C13orf46: variants seen among roughly 807,000 people sequenced by gnomAD.
C13orf46 encodes the protein chromosome 13 open reading frame 46.
chr13:113,968,305 G>A (rs2052669707), intron 4 of C13orf46, among the ~76,000 whole-genome samples, 162 bp downstream of exon 4: 1 of 152,224 alleles, frequency 6.6e-6, no homozygotes, highest in South Asian at 2.1e-4. Context: ...TTGGCCCCAA[G>A]CCTCTCTAGG....
At chr13:113,964,124 C>T (rs1160467234) in intron 6 of C13orf46, among the ~76,000 whole-genome samples, 2 of 152,262 alleles carry the variant, frequency 1.3e-5, no homozygotes, top group East Asian at 3.9e-4. Context: ...GCTGGGATTA[C>T]AGGCTGAAAG....
chr13:113,938,152 T>C, the C13orf46 span, among the ~76,000 whole-genome samples: 3 of 152,192 alleles, frequency 2.0e-5, no homozygotes, highest in African/African-American at 7.2e-5. Flanking sequence ...TGGGATGTGG[T>C]TGCGGCCTCA....
chr13:113,952,770 G>T (rs2052494346), downstream of C13orf46, among the ~76,000 whole-genome samples: 1 of 152,206 alleles, frequency 6.6e-6, no homozygotes, highest in Non-Finnish European at 1.5e-5. Flanking sequence ...GCATCTACAG[G>T]GGGTTCCTGC....
At chr13:113,963,554 C>T (rs1276096655) in intron 6 of C13orf46, among the ~76,000 whole-genome samples, 1 of 146,132 alleles carries the variant, frequency 6.8e-6, no homozygotes, top group Non-Finnish European at 1.5e-5. Flanking sequence ...TCAGCCCTCG[C>T]TCCAGTCCTC....
intron 6 of C13orf46, among the ~76,000 whole-genome samples, chr13:113,960,966 G>A (rs2052581919): frequency 6.6e-6 from 1 of 152,142 alleles, no homozygotes; most frequent in South Asian, 2.1e-4. Context: ...GATTACTTAA[G>A]ACAACTGAGC....
At chr13:113,948,958 C>A (rs1209775001), downstream of C13orf46, among the ~76,000 whole-genome samples, 3 of 152,168 alleles carry the variant, frequency 2.0e-5, no homozygotes, top group Non-Finnish European at 4.4e-5. Flanking sequence ...TCTTGGGGGA[C>A]CCCAAGGTAG....
At chr13:113,950,650 A>T (rs2138962876), downstream of C13orf46, among the ~76,000 whole-genome samples, 1 of 152,318 alleles carries the variant, frequency 6.6e-6, no homozygotes, top group South Asian at 2.1e-4. Flanking sequence ...TTGACCTCCC[A>T]GCCCAGACCA....
At chr13:113,945,657 A>G in the C13orf46 span, among the ~76,000 whole-genome samples, 1 of 137,740 alleles carries the variant, frequency 7.3e-6, no homozygotes, top group Non-Finnish European at 1.6e-5. Context: ...AGAAAGAAAG[A>G]AAGAAAGAAA....
At chr13:113,942,800 C>T in the C13orf46 span, among the ~76,000 whole-genome samples, 1 of 152,142 alleles carries the variant, frequency 6.6e-6, no homozygotes, top group Admixed American at 6.5e-5. Flanking sequence ...GTTACTGTGC[C>T]CTTTACCTTG....
At chr13:113,931,467 G>T in the C13orf46 span, among the ~76,000 whole-genome samples, 1 of 152,194 alleles carries the variant, frequency 6.6e-6, no homozygotes. Context: ...GACGCCAAGT[G>T]GAAGGGAGTA....
At chr13:113,929,694 C>T in the C13orf46 span, among the ~76,000 whole-genome samples, 12 of 152,336 alleles carry the variant, frequency 7.9e-5, no homozygotes, top group East Asian at 3.9e-4. Context: ...CTGGGTGACC[C>T]GCTGTGCCAC....
chr13:113,957,576 G>C (rs2052548682), intron 6 of C13orf46, among the ~76,000 whole-genome samples: 1 of 140,240 alleles, frequency 7.1e-6, no homozygotes, highest in Non-Finnish European at 1.5e-5. Flanking sequence ...AGCGCACTGG[G>C]GGGTCTCCCC....
At chr13:113,931,995 T>A in the C13orf46 span, among the ~76,000 whole-genome samples, 2 of 151,876 alleles carry the variant, frequency 1.3e-5, no homozygotes, top group Non-Finnish European at 2.9e-5. Context: ...TTTCTGTCAC[T>A]GTAGATTAAT....
rs981649280 is a variant in C13orf46 at position 113,956,848 on chromosome 13, C to G, written c.573-9G>C. On this transcript the variant is annotated splice_polypyrimidine_tract_variant and intron_variant, in intron 6 of 6. Transcript: ENST00000636427. ...CCCAGCTGGTCTGCATCCTGCAGGG[C>G]GAGAGGAGGGCAGGTGGGTGAGAAA... The G allele has an allele frequency of 2.0e-5, 3 of 152,306 alleles. No homozygotes were observed. The highest frequency in any genetic ancestry group is 7.2e-5 in the African/African-American group (3 of 41,432). 9.4% of individuals were successfully genotyped at this position (152,306 alleles called of 1,614,324 possible). A position where few individuals can be genotyped will look rare whatever the true frequency, so the allele number is the denominator to read the frequency against.
chr13:113,952,312 C>A (rs1406526135), downstream of C13orf46, among the ~76,000 whole-genome samples: 2 of 145,064 alleles, frequency 1.4e-5, no homozygotes, highest in South Asian at 4.3e-4. Context: ...TGTGTGGCCA[C>A]CCCTCCGCCT....
At chr13:113,945,672 G>GAAA in the C13orf46 span, among the ~76,000 whole-genome samples, 531 of 131,048 alleles carry the variant, frequency 4.1e-3, 4 homozygotes, top group South Asian at 5.1e-3. Flanking sequence ...AAGAAAGAAA[G>GAAA]GAAAGAAAAA....
chr13:113,957,844 C>T (rs1413328606), intron 6 of C13orf46, among the ~76,000 whole-genome samples: 17,035 of 144,324 alleles, frequency 0.12, 1,077 homozygotes, highest in Non-Finnish European at 0.17. Context: ...TCTGTATTCA[C>T]CCCCTTTCAT....
chr13:113,942,085 G>A, the C13orf46 span, among the ~76,000 whole-genome samples: 1 of 152,230 alleles, frequency 6.6e-6, no homozygotes. Flanking sequence ...GCTGCCAAAG[G>A]CCGATCATGG....
At chr13:113,958,717 CT>C (rs1414142779) in intron 6 of C13orf46, among the ~76,000 whole-genome samples, 1 of 152,112 alleles carries the variant, frequency 6.6e-6, no homozygotes, top group Non-Finnish European at 1.5e-5. Context: ...TCTTGAAAAG[CT>C]TTTTTTTCCT....
Sources: gnomAD v4.1 joint callset for allele counts (sites outside exome capture counted in the v4.1 genomes callset) on GRCh38, gnomAD v4.1.1 for gene constraint, MANE v1.5 for transcripts, NCBI Gene and HGNC (gene_info 2026-07-23, HGNC 2026-07-21) for gene names.